Variants in RBPMS observed in about 807,000 individuals in gnomAD.
RBPMS encodes the protein RNA binding protein, mRNA processing factor, also known as RNA-binding protein with multiple splicing.
In RBPMS, 7 loss-of-function variants were observed where a neutral mutation model predicts 26.8. The ratio of observed to expected loss-of-function variants is 0.26; its 90% CI spans 0.15 to 0.49. The LOEUF is 0.49. Among genes scored for constraint, RBPMS ranks in the 20% least tolerant of loss-of-function variants. RBPMS has a pLI of 0.98. For synonymous variants in RBPMS, 96 were observed against 93.3 expected (o/e 1.03, Z -0.17); for missense variants, 186 against 250.0 (o/e 0.74, Z 1.73).
At chr8:30,418,172 C>G (rs1810321993) in intron 1 of RBPMS, among the ~76,000 whole-genome samples, 1 of 152,204 alleles carries the variant, frequency 6.6e-6, no homozygotes, top group Non-Finnish European at 1.5e-5. Context: ...CCGAATTGCT[C>G]TCTACAATTA....
At chr8:30,494,462 C>A (rs1270744866) in intron 4 of RBPMS, among the ~76,000 whole-genome samples, 2 of 152,050 alleles carry the variant, frequency 1.3e-5, no homozygotes, top group East Asian at 3.9e-4. Context: ...TTAATCTTTA[C>A]AATGAATGCT....
At chr8:30,442,319 T>G (rs774856639) in intron 1 of RBPMS, among the ~76,000 whole-genome samples, 1 of 152,098 alleles carries the variant, frequency 6.6e-6, no homozygotes, top group Non-Finnish European at 1.5e-5. Context: ...TACACTCCAT[T>G]TTCTCCTTCC....
chr8:30,500,345 T>A (rs2150919292), intron 4 of RBPMS, among the ~76,000 whole-genome samples: 1 of 152,120 alleles, frequency 6.6e-6, no homozygotes, highest in East Asian at 1.9e-4. Context: ...AGTATCTTTT[T>A]TTTTTTTTTT....
Position 30,572,022 on chromosome 8 carries a change from A to AGG in RBPMS, c.*1500_*1501dup, listed in dbSNP as rs1255404967. ...ACACAAAAAACCAAGGCCAGGAGTGAGGGGCTCTTTCTTACCGTAAATAAG... is the reference window on the plus strand; with the variant it reads ...ACACAAAAAACCAAGGCCAGGAGTGAGGGGGGCTCTTTCTTACCGTAAATAAG... On this transcript the variant is annotated 3_prime_UTR_variant, in exon 9 of 9. Transcript: ENST00000397323. 1 of 152,186 alleles carries AGG rather than the reference A, an allele frequency of 6.6e-6. No homozygotes were observed. Among genetic ancestry groups the AGG allele is most frequent in the Non-Finnish European group, 1.5e-5 (1 of 68,020 alleles). The allele number at this position is 152,186 out of a possible 1,614,324, so 9.4% of individuals were successfully genotyped here.
chr8:30,462,356 C>T (rs1272138498), intron 1 of RBPMS, among the ~76,000 whole-genome samples: 5 of 151,870 alleles, frequency 3.3e-5, no homozygotes, highest in Non-Finnish European at 7.4e-5. Flanking sequence ...ATACCATATA[C>T]TACAATAAAA....
intron 1 of RBPMS, among the ~76,000 whole-genome samples, chr8:30,465,587 G>A (rs1816407795): frequency 6.6e-6 from 1 of 152,208 alleles, no homozygotes; most frequent in African/African-American, 2.4e-5. Context: ...AGGAGTTTGA[G>A]ACCAGCCTGG....
intron 5 of RBPMS, among the ~76,000 whole-genome samples, chr8:30,533,316 C>T (rs569682146): frequency 6.6e-6 from 1 of 152,316 alleles, no homozygotes; most frequent in East Asian, 1.9e-4. Flanking sequence ...AGGAAAGCAA[C>T]TCTCAGGCAA....
chr8:30,455,348 T>A (rs552663139), intron 1 of RBPMS, among the ~76,000 whole-genome samples: 1 of 152,146 alleles, frequency 6.6e-6, no homozygotes, highest in Non-Finnish European at 1.5e-5. Context: ...TTCAAAGTTA[T>A]AGTGATAAGT....
chr8:30,551,182 G>C (rs5890525), intron 6 of RBPMS, among the ~76,000 whole-genome samples: 5,985 of 92,796 alleles, frequency 0.064, 400 homozygotes, highest in African/African-American at 0.17. Flanking sequence ...CATTTGCAGT[G>C]AGAGAGACAT....
chr8:30,555,805 A>T (rs1337832868), intron 6 of RBPMS: 1 of 859,316 alleles, frequency 1.2e-6, no homozygotes, highest in Admixed American at 6.2e-5. Flanking sequence ...GGCAGGAGTG[A>T]CCTGGGGCCA....
intron 5 of RBPMS, among the ~76,000 whole-genome samples, chr8:30,532,058 C>T (rs1034061629): frequency 6.6e-6 from 1 of 152,126 alleles, no homozygotes; most frequent in African/African-American, 2.4e-5. Context: ...GTCTTCTGCT[C>T]TTAAATGAAG....
At chr8:30,417,271 A>G (rs1810195089) in intron 1 of RBPMS, among the ~76,000 whole-genome samples, 1 of 152,210 alleles carries the variant, frequency 6.6e-6, no homozygotes, top group African/African-American at 2.4e-5. Context: ...TGGATATTTA[A>G]GCTTTTACCA....
At position 30,501,551 on chromosome 8, in the gene RBPMS, T is replaced by TC. The variant is rs1444924509; in HGVS notation, c.247-2733dup. Reference sequence around the variant, plus strand: ...CTGCATTTGTAGAGACTGTTGGCTGTCCAGTAGCCAGTCAGATTGGGGTGC... The same window carrying TC: ...CTGCATTTGTAGAGACTGTTGGCTGTCCCAGTAGCCAGTCAGATTGGGGTGC... On this transcript the variant is annotated intron_variant, in intron 4 of 8. Transcript: ENST00000397323. 2.0e-5 allele frequency among the ~76,000 whole-genome samples: 3 copies of TC among 152,328 alleles called. No homozygotes were observed. The East Asian group carries it at 5.8e-4, about 29-fold the overall frequency.
intron 3 of RBPMS, 97 bp downstream of exon 3, chr8:30,477,934 G>T (rs1033368182): frequency 1.2e-6 from 1 of 855,484 alleles, no homozygotes; most frequent in Non-Finnish European, 1.9e-6. Flanking sequence ...ATTAGAATTT[G>T]AGGGGTTTTT....
intron 8 of RBPMS, among the ~76,000 whole-genome samples, chr8:30,569,829 A>G (rs994293961): frequency 2.0e-5 from 3 of 152,194 alleles, no homozygotes; most frequent in Non-Finnish European, 4.4e-5. Context: ...GGCTGTCTAC[A>G]GTAAGCATAC....
At chr8:30,482,625 A>G (rs1011404756) in intron 4 of RBPMS, among the ~76,000 whole-genome samples, 1 of 152,204 alleles carries the variant, frequency 6.6e-6, no homozygotes, top group Non-Finnish European at 1.5e-5. Context: ...TAAACCTTCT[A>G]AAGTTAAATA....
chr8:30,442,986 C>G (rs532314065), intron 1 of RBPMS, among the ~76,000 whole-genome samples: 1 of 152,300 alleles, frequency 6.6e-6, no homozygotes, highest in Non-Finnish European at 1.5e-5. Context: ...TTTTAAAAAA[C>G]TTTGAAATTA....
chr8:30,448,376 G>A (rs986880829), intron 1 of RBPMS, among the ~76,000 whole-genome samples: 2 of 152,188 alleles, frequency 1.3e-5, no homozygotes, highest in African/African-American at 4.8e-5. Context: ...TGCATTCCAA[G>A]TATGTGTTCT....
At chr8:30,452,651 G>A (rs1040220643) in intron 1 of RBPMS, among the ~76,000 whole-genome samples, 1 of 152,148 alleles carries the variant, frequency 6.6e-6, no homozygotes, top group Non-Finnish European at 1.5e-5. Flanking sequence ...GCCTAGGTAG[G>A]GAAGAGTGCC....
Sources: allele counts gnomAD v4.1 joint callset (sites outside exome capture counted in the v4.1 genomes callset), GRCh38; gene constraint gnomAD v4.1.1; transcripts MANE v1.5; gene names NCBI Gene and HGNC (gene_info 2026-07-23, HGNC 2026-07-21).